The following ARID4B variants were observed in gnomAD, a reference collection of about 807,000 sequenced individuals.
ARID4B encodes the protein AT-rich interaction domain 4B, also known as AT-rich interactive domain-containing protein 4B.
ARID4B carries 26 observed loss-of-function variants against 147.5 expected under a neutral mutation model. The ratio of observed to expected loss-of-function variants is 0.18; its 90% CI spans 0.13 to 0.24. The LOEUF is 0.24. ARID4B is among the 10% of genes least tolerant of loss of function. ARID4B has a pLI of 1.00. For missense variants in ARID4B, 1,179 were observed against 1,511.5 expected, an observed-to-expected ratio of 0.78 and a Z score of 3.65; for synonymous variants, 512 against 507.9, an observed-to-expected ratio of 1.01 and a Z score of -0.11.
chr1:235,322,346 G>A (rs951337111), intron 2 of ARID4B, among the ~76,000 whole-genome samples: 6 of 152,056 alleles, frequency 3.9e-5, no homozygotes, highest in Non-Finnish European at 8.8e-5. Context: ...CCCTCACTCA[G>A]CTTCATCTCC....
intron 2 of ARID4B, among the ~76,000 whole-genome samples, chr1:235,280,410 G>A (rs767285922): frequency 2.0e-5 from 3 of 152,330 alleles, no homozygotes; most frequent in Non-Finnish European, 2.9e-5. Flanking sequence ...AACAAGAGAC[G>A]ATCACTAAAA....
chr1:235,316,276 G>A (rs1435086497), intron 2 of ARID4B, among the ~76,000 whole-genome samples: 2 of 152,150 alleles, frequency 1.3e-5, no homozygotes, highest in African/African-American at 4.8e-5. Flanking sequence ...GGAAGGCTGA[G>A]GCGGGCGGAT....
rs61730875 is a variant in ARID4B at position 235,182,042 on chromosome 1, G to A, written c.2877C>T (p.Ala959=). The change falls in exon 20 of 24, where the codon GCC becomes GCT. Residue 959 remains alanine (A), a synonymous_variant. Transcript: ENST00000264183. The part of the protein sequence containing the change: ...TEAAASPPHP[A]PEEGVAEESL... ...ACTCCTCTGCCACCCCCTCCTCTGG[G>A]GCAGGATGCGGTGGGGAAGCTGCAG... 37,071 of 1,614,038 alleles carry A rather than the reference G, an allele frequency of 0.023. 511 individuals carry two copies. Among genetic ancestry groups the A allele is most frequent in the Non-Finnish European group, 0.027 (31,564 of 1,180,006 alleles).
At chr1:235,259,248 T>C (rs1402127328) in intron 3 of ARID4B, among the ~76,000 whole-genome samples, 1 of 152,260 alleles carries the variant, frequency 6.6e-6, no homozygotes, top group African/African-American at 2.4e-5. Context: ...GTCATTTTCC[T>C]AGTTCATTCA....
chr1:235,210,276 T>C (rs1029426490), intron 17 of ARID4B, among the ~76,000 whole-genome samples: 7 of 151,954 alleles, frequency 4.6e-5, no homozygotes, highest in African/African-American at 1.7e-4. Flanking sequence ...AAAAAAACCA[T>C]GGAAATAGGT....
intron 2 of ARID4B, among the ~76,000 whole-genome samples, chr1:235,273,110 T>C (rs1671097687): frequency 6.6e-6 from 1 of 152,202 alleles, no homozygotes; most frequent in African/African-American, 2.4e-5. Context: ...CAATCTTGGC[T>C]CACTGCAACC....
At chr1:235,282,695 T>C (rs1238582276) in intron 2 of ARID4B, among the ~76,000 whole-genome samples, 2 of 152,054 alleles carry the variant, frequency 1.3e-5, no homozygotes, top group African/African-American at 2.4e-5. Context: ...TCAGAAAAAT[T>C]AGAGAAAGAG....
chr1:235,235,568 T>C (rs1172113096), intron 8 of ARID4B, among the ~76,000 whole-genome samples: 1 of 152,220 alleles, frequency 6.6e-6, no homozygotes, highest in Admixed American at 6.5e-5. Flanking sequence ...CATTCACCCA[T>C]GTATGTTATT....
At position 235,177,844 on chromosome 1, in the gene ARID4B, C is replaced by G; in HGVS notation, c.3404G>C (p.Ser1135Thr). ...GTTGTTTACCACTGTTGCTTTATGG[C>G]TTCTTTTCTGCTTTTTTGATGAACT... ...GGSSSKKQKRSHKATVVNNKK... is the reference protein window; with the variant it reads ...GGSSSKKQKRTHKATVVNNKK... Residue 1135 changes from serine (S) to threonine (T), a missense_variant, in exon 21 of 24, where the codon AGC becomes ACC. By Grantham distance (58) the Ser-to-Thr change is moderately conservative. Transcript: ENST00000264183. 1 of 1,612,644 alleles carries G rather than the reference C, an allele frequency of 6.2e-7. No individual in the cohort carries two copies. Among genetic ancestry groups the G allele is most frequent in the Non-Finnish European group, 8.5e-7 (1 of 1,179,278 alleles).
rs192280757 is a variant in ARID4B, at chr1:235,201,931, T to C, written c.1842-5816A>G. On this transcript the variant is annotated intron_variant, in intron 17 of 23. Coordinates refer to ENST00000264183, the MANE Select transcript of ARID4B (RefSeq NM_016374.6). ...AAAATAAAATAAATTGTCTTGCAAT[T>C]TTAGATTCAAGCAATACAGTTTTCT... is the stretch of plus-strand genomic sequence containing the variant. 7.2e-5 allele frequency among the ~76,000 whole-genome samples: 11 copies of C among 151,846 alleles called. No individual in the cohort carries two copies. In the East Asian group the frequency reaches 2.1e-3, roughly 29 times the overall value.
At chr1:235,266,170 G>C (rs1190679624) in intron 2 of ARID4B, among the ~76,000 whole-genome samples, 1 of 151,980 alleles carries the variant, frequency 6.6e-6, no homozygotes, top group Admixed American at 6.6e-5. Flanking sequence ...AGTGTATCAC[G>C]ACCCCTTAGT....
At chr1:235,280,511 G>A (rs1243622035) in intron 2 of ARID4B, among the ~76,000 whole-genome samples, 3 of 152,248 alleles carry the variant, frequency 2.0e-5, no homozygotes, top group African/African-American at 7.2e-5. Flanking sequence ...CAGGTCCTGA[G>A]CAGCTCACTG....
chr1:235,299,041 C>T (rs948975888), intron 2 of ARID4B, among the ~76,000 whole-genome samples: 2 of 152,102 alleles, frequency 1.3e-5, no homozygotes, highest in Non-Finnish European at 2.9e-5. Flanking sequence ...ATGGCTTGAA[C>T]CCAGGAGTTC....
In ARID4B at chr1:235,306,819, C is replaced by G. The variant is rs542170234; in HGVS notation, c.6+20095G>C. On this transcript the variant is annotated intron_variant, in intron 2 of 23. Coordinates refer to ENST00000264183, the MANE Select transcript of ARID4B (RefSeq NM_016374.6). ...TTCAGGTGTGCACCACCACACCCGGCTAATTTTTTTGTATTTTTGGTAGAG... is the reference window on the plus strand; with the variant it reads ...TTCAGGTGTGCACCACCACACCCGGGTAATTTTTTTGTATTTTTGGTAGAG... 2.0e-3 allele frequency among the ~76,000 whole-genome samples: 310 copies of G among 152,136 alleles called. 2 individuals are homozygous for G. The highest frequency in any genetic ancestry group is 7.2e-3 in the African/African-American group (299 of 41,502).
chr1:235,168,560 C>T lies in ARID4B; in HGVS notation c.3904G>A (p.Ala1302Thr), dbSNP rs772760197. 6.8e-6 allele frequency: 11 copies of T among 1,613,868 alleles called. No individual in the cohort carries two copies. Among genetic ancestry groups the T allele is most frequent in the East Asian group, 2.2e-5 (1 of 44,882 alleles). The change falls in exon 24 of 24, where the codon GCA (alanine) becomes ACA (threonine). Residue 1302 changes from alanine to threonine, a missense_variant. Transcript: ENST00000264183. The stretch of plus-strand genomic sequence containing the variant: ...TCAACTGACATTCCATTTTGTGATG[C>T]GCTGGACATTGACGGTTCAGCTAAA... Reference protein sequence around the residue: ...LTLAEPSMSSASQNGMSVECR With the variant: ...LTLAEPSMSSTSQNGMSVECR
Position 235,326,219 on chromosome 1 carries a change from T to C in ARID4B, c.6+695A>G, listed in dbSNP as rs1675249897. ...ACAAAAATACCTGTATTTTTATCGT[T>C]ATCATTTCTTCCAACAATTAAGCAA... On this transcript the variant is annotated intron_variant, in intron 2 of 23. Coordinates refer to ENST00000264183, the MANE Select transcript of ARID4B (RefSeq NM_016374.6). 2.6e-5 allele frequency among the ~76,000 whole-genome samples: 4 copies of C among 152,188 alleles called. No individual in the cohort carries two copies. In the South Asian group the frequency reaches 8.3e-4, roughly 31 times the overall value.
intron 19 of ARID4B, among the ~76,000 whole-genome samples, chr1:235,191,735 C>A (rs1341199899): frequency 6.6e-6 from 1 of 152,122 alleles, no homozygotes; most frequent in African/African-American, 2.4e-5. Context: ...TCATCTGAGC[C>A]TTCTTATAAA....
Position 235,252,818 on chromosome 1 carries a change from G to C in ARID4B, c.275-9C>G, listed in dbSNP as rs779490231. ...ATCTCCGTCATCAAAAACTATGAGA[G>C]GGGGTAAAAATGGAAGCTACTGAAG... On this transcript the variant is annotated splice_polypyrimidine_tract_variant and intron_variant, in intron 5 of 23. Transcript: ENST00000264183. The C allele has an allele frequency of 6.2e-7, 1 of 1,603,416 alleles. No homozygotes were observed.
At chr1:235,292,605 G>A (rs1337397661) in intron 2 of ARID4B, among the ~76,000 whole-genome samples, 1 of 136,286 alleles carries the variant, frequency 7.3e-6, no homozygotes, top group Non-Finnish European at 1.6e-5. Flanking sequence ...GACAGGGTGA[G>A]ACTGTGTCTC....
Sources: allele counts gnomAD v4.1 joint callset (sites outside exome capture counted in the v4.1 genomes callset), GRCh38; gene constraint gnomAD v4.1.1; transcripts MANE v1.5; gene names NCBI Gene and HGNC (gene_info 2026-07-23, HGNC 2026-07-21).